The following KCNB2 variants were observed in gnomAD, a reference collection of about 807,000 sequenced individuals.
KCNB2 encodes the protein delayed rectifier potassium channel protein.
A neutral mutation model predicts 61.5 loss-of-function variants in KCNB2; 15 were observed. That is an observed-to-expected ratio of 0.24 (90% confidence interval 0.16 to 0.38). The LOEUF (loss-of-function observed/expected upper bound fraction) is 0.38, where lower values mean the gene tolerates loss of function less well. Among genes scored for constraint, KCNB2 ranks in the 10% least tolerant of loss-of-function variants. The probability of loss-of-function intolerance (pLI) is 1.00; values close to 1 mark genes in which losing one functional copy is unlikely to be tolerated. For missense variants in KCNB2, 828 were observed against 1,125.2 expected (o/e 0.74, Z 3.78); for synonymous variants, 457 against 446.0 (o/e 1.02, Z -0.31).
At chr8:72,571,312 A>G (rs923313255) in intron 2 of KCNB2, among the ~76,000 whole-genome samples, 34 of 151,930 alleles carry the variant, frequency 2.2e-4, no homozygotes, top group African/African-American at 8.0e-4. Context: ...TAGCAAGTCA[A>G]CTCCTATGGA....
intron 2 of KCNB2, among the ~76,000 whole-genome samples, chr8:72,647,602 C>A (rs1184994508): frequency 1.3e-5 from 2 of 152,062 alleles, no homozygotes; most frequent in East Asian, 3.9e-4. Context: ...TATTCAGTAA[C>A]CACTGACAGT....
chr8:72,725,603 A>ATATATG (rs1554587093), intron 2 of KCNB2, among the ~76,000 whole-genome samples: 75 of 110,826 alleles, frequency 6.8e-4, no homozygotes, highest in East Asian at 1.2e-3. Flanking sequence ...ATATATATAT[A>ATATATG]TATATATATA....
At chr8:72,730,059 T>G (rs1807714983) in intron 2 of KCNB2, among the ~76,000 whole-genome samples, 1 of 152,198 alleles carries the variant, frequency 6.6e-6, no homozygotes, top group Non-Finnish European at 1.5e-5. Flanking sequence ...TGGTGTTGTT[T>G]AATGTAAAGT....
At chr8:72,819,467 G>A (rs923890360) in intron 2 of KCNB2, among the ~76,000 whole-genome samples, 1 of 152,052 alleles carries the variant, frequency 6.6e-6, no homozygotes, top group Non-Finnish European at 1.5e-5. Flanking sequence ...GCTCACCTTT[G>A]TTGTAGCAAG....
At chr8:72,858,001 T>C (rs1810234788) in intron 2 of KCNB2, among the ~76,000 whole-genome samples, 1 of 152,188 alleles carries the variant, frequency 6.6e-6, no homozygotes, top group Non-Finnish European at 1.5e-5. Flanking sequence ...TTAGCTGATG[T>C]TTAAGAGTAA....
intron 2 of KCNB2, among the ~76,000 whole-genome samples, chr8:72,636,428 A>G (rs1805968118): frequency 6.6e-6 from 1 of 152,192 alleles, no homozygotes; most frequent in Non-Finnish European, 1.5e-5. Flanking sequence ...TATGGAAAGG[A>G]TACAATTTTC....
At chr8:72,677,608 A>C (rs1806680728) in intron 2 of KCNB2, among the ~76,000 whole-genome samples, 1 of 152,134 alleles carries the variant, frequency 6.6e-6, no homozygotes, top group African/African-American at 2.4e-5. Context: ...TGCCAAATCT[A>C]GGGCGCATAT....
intron 2 of KCNB2, among the ~76,000 whole-genome samples, chr8:72,825,512 A>G (rs1003979743): frequency 2.0e-5 from 3 of 152,228 alleles, no homozygotes; most frequent in African/African-American, 7.2e-5. Context: ...TGTTCACCCC[A>G]GTAGTACACA....
At chr8:72,862,898 C>T (rs1805444421) in intron 2 of KCNB2, among the ~76,000 whole-genome samples, 1 of 152,170 alleles carries the variant, frequency 6.6e-6, no homozygotes, top group African/African-American at 2.4e-5. Flanking sequence ...GGTCAGCATA[C>T]ACTCTTCACT....
At chr8:72,845,323 G>C (rs949823814) in intron 2 of KCNB2, among the ~76,000 whole-genome samples, 8 of 152,194 alleles carry the variant, frequency 5.3e-5, no homozygotes, top group Non-Finnish European at 1.2e-4. Context: ...TCGTCCCAGA[G>C]GGGTACCCGC....
intron 2 of KCNB2, among the ~76,000 whole-genome samples, chr8:72,933,292 A>C (rs2129009165): frequency 6.6e-6 from 1 of 152,348 alleles, no homozygotes; most frequent in Non-Finnish European, 1.5e-5. Flanking sequence ...GCAGAAGTAA[A>C]GTGACCTACA....
chr8:72,682,309 G>T (rs1333087939), intron 2 of KCNB2, among the ~76,000 whole-genome samples: 1 of 151,988 alleles, frequency 6.6e-6, no homozygotes, highest in African/African-American at 2.4e-5. Context: ...CCAAGGCAAA[G>T]AATATCTTAT....
At chr8:72,851,845 A>AAAAAAAAAAAAAAAAAAAAAC (rs1563404693) in intron 2 of KCNB2, among the ~76,000 whole-genome samples, 22 of 148,022 alleles carry the variant, frequency 1.5e-4, no homozygotes, top group African/African-American at 5.6e-4. Context: ...AAAAAAAAAA[A>AAAAAAAAAAAAAAAAAAAAAC]AAACACGTAC....
intron 2 of KCNB2, among the ~76,000 whole-genome samples, chr8:72,707,190 C>T (rs1288851600): frequency 6.6e-6 from 1 of 152,168 alleles, no homozygotes; most frequent in East Asian, 1.9e-4. Flanking sequence ...CACAACTTTC[C>T]TTATAACCGA....
chr8:72,582,499 A>G (rs1244966170), intron 2 of KCNB2, among the ~76,000 whole-genome samples: 22 of 152,224 alleles, frequency 1.4e-4, no homozygotes, highest in Non-Finnish European at 1.5e-5. Context: ...CTATCCCAGT[A>G]CTCAGGAGAA....
At chr8:72,730,523 G>A (rs2243795) in intron 2 of KCNB2, among the ~76,000 whole-genome samples, 110,112 of 152,106 alleles carry the variant, frequency 0.72, 41,112 homozygotes, top group African/African-American at 0.9. Flanking sequence ...TAATAAGGCA[G>A]TAACTCACAA....
rs115405157 is a variant in KCNB2 at position 72,736,959 on chromosome 8, T to C, written c.579+168646T>C. On this transcript the variant is annotated intron_variant, in intron 2 of 2. Transcript: ENST00000523207. ...TTTTCTATCCTTGTATATACATTTATGTATGTTACATGTTAACCTAAATAA... is the reference window on the plus strand; with the variant it reads ...TTTTCTATCCTTGTATATACATTTACGTATGTTACATGTTAACCTAAATAA... Among the ~76,000 whole-genome samples, 592 of 152,250 alleles carry C rather than the reference T, an allele frequency of 3.9e-3. 2 individuals carry two copies. Among genetic ancestry groups the C allele is most frequent in the African/African-American group, 0.013 (559 of 41,554 alleles).
chr8:72,937,016 C>G lies in KCNB2; in HGVS notation c.1661C>G (p.Ser554Cys). Residue 554 changes from serine (S) to cysteine (C), a missense_variant, in exon 3 of 3, where the codon TCT becomes TGT. Coordinates refer to ENST00000523207, the MANE Select transcript of KCNB2 (RefSeq NM_004770.3). The part of the protein sequence containing the change: ...YNEITKTQPH[S>C]HPNPDCQEKP... ...GAAATCACCAAGACACAGCCTCATT[C>G]TCACCCAAACCCAGACTGCCAAGAA... The G allele has an allele frequency of 6.2e-7, 1 of 1,614,162 alleles. No homozygotes were observed. The highest frequency in any genetic ancestry group is 1.7e-5 in the Admixed American group (1 of 60,030).
intron 2 of KCNB2, among the ~76,000 whole-genome samples, chr8:72,713,508 C>A (rs1483846169): frequency 2.6e-5 from 4 of 152,174 alleles, no homozygotes; most frequent in Non-Finnish European, 5.9e-5. Flanking sequence ...TCACCAATAT[C>A]CACTGTTCTG....
Sources: gnomAD v4.1 joint callset for allele counts (sites outside exome capture counted in the v4.1 genomes callset) on GRCh38, gnomAD v4.1.1 for gene constraint, MANE v1.5 for transcripts, NCBI Gene and HGNC (gene_info 2026-07-23, HGNC 2026-07-21) for gene names.